PRKG1: variants seen among roughly 807,000 people sequenced by gnomAD.
PRKG1 encodes the protein cGMP-dependent protein kinase 1.
In PRKG1, 35 loss-of-function variants were observed where a neutral mutation model predicts 88.1. The ratio of observed to expected loss-of-function variants is 0.40; its 90% CI spans 0.30 to 0.53. PRKG1 has a LOEUF of 0.53. Ranked by LOEUF, PRKG1 falls within the 20% of genes least tolerant of loss-of-function variation. PRKG1 has a pLI of 0.59. For missense variants in PRKG1, 540 were observed against 839.8 expected, an observed-to-expected ratio of 0.64 and a Z score of 4.41; for synonymous variants, 303 against 292.5, an observed-to-expected ratio of 1.04 and a Z score of -0.37.
chr10:51,328,392 C>T (rs1312982443), intron 2 of PRKG1, among the ~76,000 whole-genome samples: 5 of 152,118 alleles, frequency 3.3e-5, no homozygotes, highest in African/African-American at 9.7e-5. Flanking sequence ...ATGGACACTT[C>T]GGTTGATTCC....
rs1006868392 is a variant in PRKG1, at chr10:51,539,020, GA to G, written c.592+71188del. The stretch of plus-strand genomic sequence containing the variant: ...AAGGTACTTTTATTTCATTCAACTT[GA>G]AAAGCTAGGTGTTGCAAATTGATTT... On this transcript the variant is annotated intron_variant, in intron 3 of 17. Coordinates refer to ENST00000373980, the MANE Select transcript of PRKG1 (RefSeq NM_006258.4). Among the ~76,000 whole-genome samples, 149 of 152,032 alleles carry G rather than the reference GA, an allele frequency of 9.8e-4. 3 individuals carry two copies. In the Middle Eastern group the frequency reaches 0.045, roughly 45 times the overall value.
intron 2 of PRKG1, among the ~76,000 whole-genome samples, chr10:51,382,318 T>C (rs1837128956): frequency 6.6e-6 from 1 of 152,180 alleles, no homozygotes; most frequent in Non-Finnish European, 1.5e-5. Flanking sequence ...CAAAGTAGTA[T>C]CTATGAAATC....
intron 4 of PRKG1, among the ~76,000 whole-genome samples, chr10:51,858,840 T>G (rs1276872036): frequency 6.6e-6 from 1 of 152,066 alleles, no homozygotes; most frequent in Non-Finnish European, 1.5e-5. Flanking sequence ...CTTAAACACT[T>G]TTTCCCTGAA....
intron 2 of PRKG1, among the ~76,000 whole-genome samples, chr10:51,290,321 G>A (rs575510265): frequency 1.3e-5 from 2 of 152,244 alleles, no homozygotes; most frequent in East Asian, 3.9e-4. Context: ...AAATTTACAG[G>A]TGCATCTGCA....
chr10:51,409,941 C>A (rs1346872679), intron 2 of PRKG1, among the ~76,000 whole-genome samples: 1 of 151,024 alleles, frequency 6.6e-6, no homozygotes, highest in African/African-American at 2.4e-5. Context: ...CGTGATTCAC[C>A]TATGGGGGCC....
chr10:52,101,360 T>TG (rs1847289528), intron 7 of PRKG1, among the ~76,000 whole-genome samples: 1 of 120,396 alleles, frequency 8.3e-6, no homozygotes, highest in Admixed American at 9.1e-5. Context: ...CCACATTATA[T>TG]ATTTTTTGTG....
chr10:51,303,360 C>G (rs1365166529), intron 2 of PRKG1, among the ~76,000 whole-genome samples: 1 of 142,522 alleles, frequency 7.0e-6, no homozygotes, highest in Non-Finnish European at 1.5e-5. Flanking sequence ...TAAATGTTCA[C>G]TGCTAGTCTT....
chr10:51,588,900 C>CTT (rs138407261), intron 3 of PRKG1, among the ~76,000 whole-genome samples: 10 of 151,614 alleles, frequency 6.6e-5, no homozygotes, highest in African/African-American at 2.4e-4. Flanking sequence ...AGTTACTTCC[C>CTT]TTTTTTTTCA....
intron 2 of PRKG1, among the ~76,000 whole-genome samples, chr10:51,172,413 A>G (rs74131784): frequency 0.066 from 10,011 of 152,170 alleles, 694 homozygotes; most frequent in African/African-American, 0.17. Flanking sequence ...TGTTAAGACA[A>G]TAAAGTATTT....
chr10:52,272,561 A>G lies in PRKG1; in HGVS notation c.1403+80A>G, dbSNP rs1265862529. The G allele has an allele frequency of 4.2e-6, 4 of 947,320 alleles. No individual in the cohort carries two copies. The African/African-American group carries it at 5.1e-5, about 12-fold the overall frequency. 58.7% of individuals were successfully genotyped at this position (947,320 alleles called of 1,614,324 possible). A position where few individuals can be genotyped will look rare whatever the true frequency, so the allele number is the denominator to read the frequency against. ...TCTATAAGAAGAGTTAATATGATAA[A>G]GTATAATAATCATATTTATAATTTA... is the stretch of plus-strand genomic sequence containing the variant. On this transcript the variant is annotated intron_variant, in intron 12 of 17. Transcript: ENST00000373980.
intron 3 of PRKG1, among the ~76,000 whole-genome samples, chr10:51,479,314 C>T (rs992442680): frequency 6.6e-6 from 1 of 152,024 alleles, no homozygotes; most frequent in Non-Finnish European, 1.5e-5. Flanking sequence ...TATAACCCCA[C>T]TCCCATAAAA....
chr10:51,087,353 G>T (rs927135894), intron 1 of PRKG1, among the ~76,000 whole-genome samples: 10 of 152,152 alleles, frequency 6.6e-5, no homozygotes, highest in Admixed American at 4.6e-4. Context: ...TTGTCCAACT[G>T]TATACCATAT....
chr10:51,639,988 T>A (rs908978754), intron 3 of PRKG1, among the ~76,000 whole-genome samples: 1 of 152,164 alleles, frequency 6.6e-6, no homozygotes, highest in African/African-American at 2.4e-5. Context: ...ACAAAATAAG[T>A]ATCCTGGTGC....
chr10:52,292,385 T>G (rs906823737), intron 17 of PRKG1, among the ~76,000 whole-genome samples: 4 of 152,086 alleles, frequency 2.6e-5, no homozygotes, highest in African/African-American at 2.4e-5. Flanking sequence ...CTAGGGTTTT[T>G]ATGGTTTTAG....
intron 3 of PRKG1, among the ~76,000 whole-genome samples, chr10:51,719,386 G>A (rs1469641035): frequency 2.0e-5 from 3 of 152,086 alleles, no homozygotes; most frequent in African/African-American, 4.8e-5. Context: ...CTGATAAGAG[G>A]GATATTTTAC....
At chr10:51,269,989 AC>A (rs1839936326) in intron 2 of PRKG1, among the ~76,000 whole-genome samples, 2 of 152,358 alleles carry the variant, frequency 1.3e-5, no homozygotes, top group South Asian at 4.1e-4. Context: ...ATAGAAAACC[AC>A]AGAGATTGCT....
At chr10:52,079,543 C>A (rs533867203) in intron 7 of PRKG1, among the ~76,000 whole-genome samples, 15 of 152,274 alleles carry the variant, frequency 9.9e-5, no homozygotes, top group African/African-American at 3.1e-4. Context: ...AGGGAAAGTT[C>A]TTTCCTGTGT....
Position 51,599,511 on chromosome 10 carries a change from G to A in PRKG1, c.592+131675G>A, listed in dbSNP as rs545784879. The stretch of plus-strand genomic sequence containing the variant: ...TCATTCACAAAGAATCAAATTATTA[G>A]TATTGATTTAATTTTGGCCTTAATA... On this transcript the variant is annotated intron_variant, in intron 3 of 17. Transcript: ENST00000373980. 8.5e-5 allele frequency among the ~76,000 whole-genome samples: 13 copies of A among 152,142 alleles called. No individual in the cohort carries two copies. The South Asian group carries it at 2.7e-3, about 32-fold the overall frequency.
In PRKG1 at chr10:51,588,247, T is replaced by C. The variant is rs547637299; in HGVS notation, c.592+120411T>C. On this transcript the variant is annotated intron_variant, in intron 3 of 17. Transcript: ENST00000373980. Reference sequence around the variant, plus strand: ...TAGCATCATCACACTTTGGTTTTGGTACATCTTGGAAAACACTATCATCCA... The same window carrying C: ...TAGCATCATCACACTTTGGTTTTGGCACATCTTGGAAAACACTATCATCCA... Among the ~76,000 whole-genome samples the C allele has an allele frequency of 1.5e-4, 23 of 152,332 alleles. No homozygotes were observed. In the South Asian group the frequency reaches 4.8e-3, roughly 32 times the overall value.
Sources: allele counts gnomAD v4.1 joint callset (sites outside exome capture counted in the v4.1 genomes callset), GRCh38; gene constraint gnomAD v4.1.1; transcripts MANE v1.5; gene names NCBI Gene and HGNC (gene_info 2026-07-23, HGNC 2026-07-21).